PCNP: variants seen among roughly 807,000 people sequenced by gnomAD.
PCNP encodes PEST proteolytic signal containing nuclear protein.
In PCNP, 6 loss-of-function variants were observed where a neutral mutation model predicts 21.8. That is an observed-to-expected ratio of 0.28 (90% CI 0.15 to 0.54). The LOEUF is 0.54. Ranked by LOEUF, PCNP falls within the 20% of genes least tolerant of loss-of-function variation. The pLI is 0.95. For synonymous variants in PCNP, 67 were observed against 73.2 expected (o/e 0.92, Z 0.43); for missense variants, 161 against 215.5 (o/e 0.75, Z 1.58).
chr3:101,582,370 T>C (rs938386742), intron 2 of PCNP, among the ~76,000 whole-genome samples: 2 of 152,090 alleles, frequency 1.3e-5, no homozygotes, highest in South Asian at 4.1e-4. Flanking sequence ...GGAGAATTGC[T>C]TGAACCGGGA....
At chr3:101,587,433 T>A (rs370525665) in intron 3 of PCNP, among the ~76,000 whole-genome samples, 2 of 152,154 alleles carry the variant, frequency 1.3e-5, no homozygotes, top group African/African-American at 4.8e-5. Context: ...ATCAGTGTAT[T>A]CTCTCTTGGA....
Position 101,588,754 on chromosome 3 carries a change from G to A in PCNP, c.355-1461G>A, listed in dbSNP as rs1935660540. ...AAGCTCCCTCAATTTGGATTTGTCT[G>A]ATGTTTCCTCATGATTAGTTTCACG... On this transcript the variant is annotated intron_variant, in intron 3 of 4. Transcript: ENST00000265260. Among the ~76,000 whole-genome samples, 7 of 152,276 alleles carry A rather than the reference G, an allele frequency of 4.6e-5. No individual in the cohort carries two copies. The South Asian group carries it at 1.5e-3, about 32-fold the overall frequency.
At chr3:101,578,323 C>T (rs1229907488) in intron 1 of PCNP, among the ~76,000 whole-genome samples, 1 of 152,208 alleles carries the variant, frequency 6.6e-6, no homozygotes, top group African/African-American at 2.4e-5. Flanking sequence ...TAAACAGACT[C>T]TGAAAAAACT....
intron 2 of PCNP, among the ~76,000 whole-genome samples, chr3:101,585,207 T>C (rs935024579): frequency 2.0e-5 from 3 of 152,160 alleles, no homozygotes; most frequent in South Asian, 2.1e-4. Context: ...AGAAAATCTT[T>C]TATAGGAGGG....
intron 4 of PCNP, among the ~76,000 whole-genome samples, chr3:101,590,798 C>T (rs1935762233): frequency 6.6e-6 from 1 of 152,090 alleles, no homozygotes; most frequent in Non-Finnish European, 1.5e-5. Flanking sequence ...ATCTCCCCAC[C>T]TCAGCCTCCC....
At chr3:101,586,545 C>CGTGTGTGTGTGTGTGTGTGT (rs377617517) in intron 3 of PCNP, among the ~76,000 whole-genome samples, 310 of 99,708 alleles carry the variant, frequency 3.1e-3, no homozygotes, top group Non-Finnish European at 3.6e-3. Context: ...GGCGTATATT[C>CGTGTGTGTGTGTGTGTGTGT]GTGTGTGTGT....
intron 3 of PCNP, among the ~76,000 whole-genome samples, chr3:101,585,946 G>A (rs958024865): frequency 6.6e-6 from 1 of 152,072 alleles, no homozygotes; most frequent in Admixed American, 6.6e-5. Context: ...TGAGGCAGGT[G>A]GATCACTTGA....
intron 1 of PCNP, among the ~76,000 whole-genome samples, chr3:101,575,520 CAATTTA>C (rs1275261834): frequency 2.0e-5 from 3 of 148,590 alleles, no homozygotes; most frequent in Non-Finnish European, 4.4e-5. Context: ...TATGAAAGAA[CAATTTA>C]AATTTAAACC....
At chr3:101,579,082 A>G (rs1051627302) in intron 1 of PCNP, among the ~76,000 whole-genome samples, 3 of 152,092 alleles carry the variant, frequency 2.0e-5, no homozygotes, top group African/African-American at 7.2e-5. Flanking sequence ...TGAAATTATG[A>G]TTAGCTCATC....
intron 1 of PCNP, chr3:101,577,005 T>G: frequency 2.4e-6 from 2 of 833,240 alleles, no homozygotes; most frequent in Non-Finnish European, 4.2e-6. Context: ...TTTTGTATTT[T>G]TAGTAGAGAC....
In PCNP at chr3:101,574,237, G is replaced by C. The variant is rs745683326; in HGVS notation, c.22G>C (p.Asp8His). The stretch of plus-strand genomic sequence containing the variant: ...GAAAATGGCGGACGGGAAGGCGGGA[G>C]ACGAGAAGCCTGAAAAGTCGCAGCG... MADGKAG[D>H]EKPEKSQRAG... Residue 8 changes from aspartate (D) to histidine (H), a missense_variant, in exon 1 of 5, where the codon GAC (aspartate) becomes CAC (histidine). Transcript: ENST00000265260. The C allele has an allele frequency of 3.9e-6, 6 of 1,549,842 alleles. No homozygotes were observed. The highest frequency in any genetic ancestry group is 3.5e-6 in the Non-Finnish European group (4 of 1,146,002).
rs1354412244 is a variant in PCNP, at chr3:101,593,611, T to C, written c.*858T>C. On this transcript the variant is annotated 3_prime_UTR_variant, in exon 5 of 5. Coordinates refer to ENST00000265260, the MANE Select transcript of PCNP (RefSeq NM_020357.3). ...GCTTAAGTATTTGGCTGTTTTTATT[T>C]TTTAAAAGGTATAAACACCAAAAAA... 1 of 152,610 alleles carries C rather than the reference T, an allele frequency of 6.6e-6. No individual in the cohort carries two copies. Among genetic ancestry groups the C allele is most frequent in the Non-Finnish European group, 1.5e-5 (1 of 68,016 alleles). The allele number at this position is 152,610 out of a possible 1,614,324, so 9.5% of individuals were successfully genotyped here. A position where few individuals can be genotyped will look rare whatever the true frequency, so the allele number is the denominator to read the frequency against.
At chr3:101,577,399 C>T (rs976308826) in intron 1 of PCNP, among the ~76,000 whole-genome samples, 1 of 152,198 alleles carries the variant, frequency 6.6e-6, no homozygotes, top group Non-Finnish European at 1.5e-5. Context: ...AATACCTTCT[C>T]ATTTAGGCTG....
chr3:101,574,190 C>A lies in PCNP; in HGVS notation c.-26C>A. The A allele has an allele frequency of 2.6e-6, 4 of 1,548,750 alleles. No individual in the cohort carries two copies. The South Asian group carries it at 4.8e-5, about 18-fold the overall frequency. On this transcript the variant is annotated 5_prime_UTR_variant, in exon 1 of 5. It adds an upstream start codon to the 5' untranslated region. Transcript: ENST00000265260. ...CGGGGTCGTGACGTCCTTGGCGTGG[C>A]TGCAGGGGAGGCCGCGGCGGGGAAA...
chr3:101,592,794 A>G lies in PCNP; in HGVS notation c.*41A>G. 6.3e-7 allele frequency: 1 copy of G among 1,580,844 alleles called. No individual in the cohort carries two copies. The highest frequency in any genetic ancestry group is 8.6e-7 in the Non-Finnish European group (1 of 1,164,280). ...TGGGGTGTGGGGTGGGTGTAAAGTT[A>G]AAAGGAACAGTTTCCTTTTTTAAAG... On this transcript the variant is annotated 3_prime_UTR_variant, in exon 5 of 5. Coordinates refer to ENST00000265260, the MANE Select transcript of PCNP (RefSeq NM_020357.3).
At chr3:101,584,522 G>A (rs1935391793) in intron 2 of PCNP, among the ~76,000 whole-genome samples, 1 of 152,064 alleles carries the variant, frequency 6.6e-6, no homozygotes, top group Admixed American at 6.6e-5. Context: ...CCAGTAAAAA[G>A]CATTGTTACA....
intron 1 of PCNP, among the ~76,000 whole-genome samples, chr3:101,578,710 C>T (rs969230767): frequency 6.6e-6 from 1 of 152,142 alleles, no homozygotes; most frequent in African/African-American, 2.4e-5. Flanking sequence ...ATCTTTTAAT[C>T]CTTTACTTGT....
intron 1 of PCNP, among the ~76,000 whole-genome samples, chr3:101,578,800 G>T (rs1186262894): frequency 6.6e-6 from 1 of 152,046 alleles, no homozygotes; most frequent in East Asian, 1.9e-4. Flanking sequence ...CCATCTCTTG[G>T]AGCATCTTCT....
intron 1 of PCNP, chr3:101,576,366 C>G: frequency 1.4e-6 from 1 of 697,910 alleles, no homozygotes; most frequent in Non-Finnish European, 2.2e-6. Flanking sequence ...TCCCAAGTAG[C>G]TGGGACTACA....
Sources: allele counts gnomAD v4.1 joint callset (sites outside exome capture counted in the v4.1 genomes callset), GRCh38; gene constraint gnomAD v4.1.1; transcripts MANE v1.5; gene names NCBI Gene and HGNC (gene_info 2026-07-23, HGNC 2026-07-21).